Variants in SLIT2 observed in about 807,000 individuals in gnomAD.
The protein encoded by SLIT2 is slit homolog 2 protein.
A neutral mutation model predicts 185.7 loss-of-function variants in SLIT2; 41 were observed. That is an observed-to-expected ratio of 0.22 (90% CI 0.17 to 0.29). The LOEUF (loss-of-function observed/expected upper bound fraction) is 0.29. Ranked by LOEUF, SLIT2 falls within the 10% of genes least tolerant of loss-of-function variation. The pLI is 1.00. For synonymous variants in SLIT2, 693 were observed against 680.2 expected, an observed-to-expected ratio of 1.02 and a Z score of -0.29; for missense variants, 1,571 against 1,909.0, an observed-to-expected ratio of 0.82 and a Z score of 3.30.
At chr4:20,454,244 T>A (rs892472380) in intron 4 of SLIT2, among the ~76,000 whole-genome samples, 3 of 152,192 alleles carry the variant, frequency 2.0e-5, no homozygotes, top group African/African-American at 7.2e-5. Flanking sequence ...ATAACTAGTC[T>A]TTCTCTTGAA....
chr4:20,586,898 A>G (rs1727108773), intron 29 of SLIT2, among the ~76,000 whole-genome samples: 1 of 152,190 alleles, frequency 6.6e-6, no homozygotes, highest in Non-Finnish European at 1.5e-5. Context: ...GAAATAGTAA[A>G]CAGACCCAGG....
At chr4:20,427,143 CAG>C (rs1728620780) in intron 4 of SLIT2, among the ~76,000 whole-genome samples, 1 of 152,172 alleles carries the variant, frequency 6.6e-6, no homozygotes, top group Admixed American at 6.5e-5. Context: ...TTAAAGAAAA[CAG>C]AGATTTTCCC....
chr4:20,573,784 C>T (rs1452098772), intron 29 of SLIT2, among the ~76,000 whole-genome samples: 1 of 151,418 alleles, frequency 6.6e-6, no homozygotes, highest in Non-Finnish European at 1.5e-5. Flanking sequence ...ATTATAAAGC[C>T]CAAGAAGTTG....
At chr4:20,373,117 C>T (rs975826769) in intron 4 of SLIT2, among the ~76,000 whole-genome samples, 7 of 152,088 alleles carry the variant, frequency 4.6e-5, no homozygotes, top group African/African-American at 1.4e-4. Context: ...TTTGACCTCT[C>T]ACTTCCCATG....
intron 4 of SLIT2, 85 bp downstream of exon 4, chr4:20,268,966 T>C (rs1713318811): frequency 1.2e-6 from 1 of 837,722 alleles, no homozygotes; most frequent in Non-Finnish European, 2.1e-6. Flanking sequence ...GTGTGTGCTT[T>C]CCTGGAATCT....
At chr4:20,580,827 C>T (rs571236754) in intron 29 of SLIT2, among the ~76,000 whole-genome samples, 20 of 152,272 alleles carry the variant, frequency 1.3e-4, no homozygotes, top group Middle Eastern at 3.4e-3. Flanking sequence ...TGGAGCACTC[C>T]TTCTCCTTTG....
Position 20,524,166 on chromosome 4 carries a change from T to C in SLIT2, c.1427T>C (p.Phe476Ser). The change falls in exon 14 of 37, where the codon TTC (phenylalanine) becomes TCC (serine). Residue 476 changes from phenylalanine to serine, a missense_variant. Around this residue, in one of 3 missense-constraint regions of SLIT2, gnomAD observed 1,202 missense variants for 1,416.4 expected, o/e 0.85. Coordinates refer to ENST00000504154, the MANE Select transcript of SLIT2 (RefSeq NM_004787.4). ...KRIGQIKSKK[F>S]RCSAKEQYFI... ...ATTGGACAGATCAAAAGCAAGAAAT[T>C]CCGTTGTTCAGGTAATTTCTTCACG... The C allele has an allele frequency of 6.2e-7, 1 of 1,613,974 alleles. No individual in the cohort carries two copies. The highest frequency in any genetic ancestry group is 8.5e-7 in the Non-Finnish European group (1 of 1,179,958).
At chr4:20,293,492 A>G (rs1716169482) in intron 4 of SLIT2, among the ~76,000 whole-genome samples, 1 of 152,232 alleles carries the variant, frequency 6.6e-6, no homozygotes, top group South Asian at 2.1e-4. Flanking sequence ...AACAGCAATG[A>G]GAGCTGGTTC....
chr4:20,505,758 C>G (rs1168649310), intron 9 of SLIT2, among the ~76,000 whole-genome samples: 1 of 151,956 alleles, frequency 6.6e-6, no homozygotes, highest in Non-Finnish European at 1.5e-5. Context: ...TGTTTTAAAG[C>G]AGAGGGATAT....
Position 20,541,582 on chromosome 4 carries a change from C to T in SLIT2, c.2106C>T (p.Ile702=). 6.2e-7 allele frequency: 1 copy of T among 1,613,918 alleles called. No individual in the cohort carries two copies. Among genetic ancestry groups the T allele is most frequent in the Admixed American group, 1.7e-5 (1 of 60,014 alleles). ...CATACTTCCTGAAAGAAATACCCAT[C>T]CAGGATGTGGCCATTCAGGACTTCA... ...QKPYFLKEIP[I]QDVAIQDFTC... Residue 702 remains isoleucine (I), a synonymous_variant, in exon 20 of 37, where the codon ATC becomes ATT. Coordinates refer to ENST00000504154, the MANE Select transcript of SLIT2 (RefSeq NM_004787.4).
At chr4:20,488,226 A>T (rs367746190) in intron 7 of SLIT2, among the ~76,000 whole-genome samples, 1 of 152,184 alleles carries the variant, frequency 6.6e-6, no homozygotes, top group Admixed American at 6.5e-5. Context: ...CTTTGAGGCT[A>T]GGTCTCCAGG....
At chr4:20,331,684 G>C (rs1720081540) in intron 4 of SLIT2, among the ~76,000 whole-genome samples, 1 of 151,946 alleles carries the variant, frequency 6.6e-6, no homozygotes, top group Non-Finnish European at 1.5e-5. Flanking sequence ...ATGTAACTCG[G>C]TGGTTTTATT....
intron 4 of SLIT2, among the ~76,000 whole-genome samples, chr4:20,285,190 C>G (rs1715148178): frequency 6.6e-6 from 1 of 152,172 alleles, no homozygotes; most frequent in Non-Finnish European, 1.5e-5. Flanking sequence ...CTGGGAAATG[C>G]AGAACTGTAT....
intron 4 of SLIT2, among the ~76,000 whole-genome samples, chr4:20,402,629 CA>C (rs1290786371): frequency 2.0e-5 from 3 of 151,790 alleles, no homozygotes; most frequent in Non-Finnish European, 4.4e-5. Flanking sequence ...TTAATTTTAA[CA>C]TGTGCATTAC....
chr4:20,574,867 G>T (rs1725956996), intron 29 of SLIT2, among the ~76,000 whole-genome samples: 1 of 149,800 alleles, frequency 6.7e-6, no homozygotes, highest in African/African-American at 2.5e-5. Flanking sequence ...CATTTCCTCT[G>T]TTGCATTGTT....
intron 29 of SLIT2, among the ~76,000 whole-genome samples, chr4:20,575,955 G>C (rs929506723): frequency 9.9e-5 from 15 of 151,920 alleles, no homozygotes; most frequent in African/African-American, 2.9e-4. Flanking sequence ...TAAACTCTGG[G>C]ACACCTCCCA....
At chr4:20,516,417 G>A (rs998350464) in intron 11 of SLIT2, among the ~76,000 whole-genome samples, 7 of 152,146 alleles carry the variant, frequency 4.6e-5, no homozygotes, top group Admixed American at 6.5e-5. Flanking sequence ...CTGTAGAAAA[G>A]ATACTCAATT....
At chr4:20,269,257 T>G (rs1369242213) in intron 4 of SLIT2, among the ~76,000 whole-genome samples, 1 of 151,878 alleles carries the variant, frequency 6.6e-6, no homozygotes, top group African/African-American at 2.4e-5. Flanking sequence ...AGATTTTTAA[T>G]GTCAGCTTTT....
At chr4:20,258,346 G>A (rs927086588) in intron 3 of SLIT2, among the ~76,000 whole-genome samples, 4 of 151,604 alleles carry the variant, frequency 2.6e-5, no homozygotes, top group African/African-American at 9.7e-5. Flanking sequence ...GGTGCTTTGT[G>A]TGTTATCAGT....
Sources: gnomAD v4.1 joint callset for allele counts (sites outside exome capture counted in the v4.1 genomes callset) on GRCh38, gnomAD v4.1.1 for gene constraint, gnomAD v4.1.1 regional missense constraint, MANE v1.5 for transcripts, NCBI Gene and HGNC (gene_info 2026-07-23, HGNC 2026-07-21) for gene names.